Variants in SEC24D observed in about 807,000 individuals in gnomAD.
The protein encoded by SEC24D is protein transport protein Sec24D.
In SEC24D, 69 loss-of-function variants were observed where a neutral mutation model predicts 116.9. The ratio of observed to expected loss-of-function variants is 0.59; its 90% CI spans 0.49 to 0.72. The LOEUF (loss-of-function observed/expected upper bound fraction) is 0.72, where lower values mean the gene tolerates loss of function less well. Among genes scored for constraint, SEC24D ranks in the 30% least tolerant of loss-of-function variants. The pLI is 0.00. For missense variants in SEC24D, 1,131 were observed against 1,264.1 expected (o/e 0.89, Z 1.60); for synonymous variants, 405 against 442.8 (o/e 0.91, Z 1.07).
intron 7 of SEC24D, among the ~76,000 whole-genome samples, chr4:118,805,618 A>T (rs1246059875): frequency 6.6e-6 from 1 of 152,204 alleles, no homozygotes; most frequent in Admixed American, 6.5e-5. Context: ...TTAAGCAGAT[A>T]TATTGCTCTG....
rs1480337594 is a variant in SEC24D, at chr4:118,752,656, C to T, written c.1613+41G>A. 2.1e-6 allele frequency: 3 copies of T among 1,434,672 alleles called. No individual in the cohort carries two copies. The East Asian group carries it at 7.3e-5, about 35-fold the overall frequency. The allele number at this position is 1,434,672 out of a possible 1,614,324, so 88.9% of individuals were successfully genotyped here. ...AAACACAGTGCAATTAAAGACAAAA[C>T]ACCTGATTTACTTTTAAATTATAAA... On this transcript the variant is annotated intron_variant, in intron 12 of 22. Transcript: ENST00000280551.
chr4:118,814,909 A>C, intron 6 of SEC24D, 119 bp downstream of exon 6: 1 of 1,118,690 alleles, frequency 8.9e-7, no homozygotes, highest in Non-Finnish European at 1.3e-6. Flanking sequence ...CCTCTATGTG[A>C]TGAGTATCTC....
At chr4:118,775,345 CAAAAAA>C (rs55740002) in intron 8 of SEC24D, among the ~76,000 whole-genome samples, 5 of 114,530 alleles carry the variant, frequency 4.4e-5, no homozygotes, top group Non-Finnish European at 3.3e-5. Flanking sequence ...AGCAAAAGGT[CAAAAAA>C]AAAAAAAAAA....
In SEC24D at chr4:118,803,863, G is replaced by T. The variant is rs146162025; in HGVS notation, c.913+1980C>A. ...TAAATTATTCCATATAAAGTGGTTAGAAAATTGTCTTGATACATACTAAGT... is the reference window on the plus strand; with the variant it reads ...TAAATTATTCCATATAAAGTGGTTATAAAATTGTCTTGATACATACTAAGT... On this transcript the variant is annotated intron_variant, in intron 7 of 22. Coordinates refer to ENST00000280551, the MANE Select transcript of SEC24D (RefSeq NM_014822.4). Among the ~76,000 whole-genome samples the T allele has an allele frequency of 2.3e-3, 343 of 152,226 alleles. 3 individuals carry two copies. The highest frequency in any genetic ancestry group is 8.0e-3 in the African/African-American group (332 of 41,536).
chr4:118,741,063 TC>T, intron 15 of SEC24D, 26 bp from the exon 16 acceptor site: 1 of 1,217,232 alleles, frequency 8.2e-7, no homozygotes, highest in Non-Finnish European at 1.2e-6. Flanking sequence ...CTAATCAATG[TC>T]CACCAGATGG....
intron 11 of SEC24D, chr4:118,753,922 C>A (rs1726957514): frequency 6.6e-6 from 1 of 152,098 alleles, no homozygotes; most frequent in African/African-American, 2.4e-5. Context: ...TGCCCAGCTT[C>A]TAAATTTTGC....
chr4:118,744,962 A>G lies in SEC24D; in HGVS notation c.1806T>C (p.Val602=), dbSNP rs1560626619. The change falls in exon 14 of 23, where the codon GTT becomes GTC. Residue 602 remains valine, a synonymous_variant. Coordinates refer to ENST00000280551, the MANE Select transcript of SEC24D (RefSeq NM_014822.4). ...AAAGTACCTTCTCTTTGTCTGTATT[A>G]ACCAGTTTTTTGTCATCTCTGTTTT... ...KLKNRDDKKL[V]NTDKEKILFQ... is the part of the protein sequence containing the mutation. The G allele has an allele frequency of 6.2e-7, 1 of 1,602,416 alleles. No individual in the cohort carries two copies. The highest frequency in any genetic ancestry group is 1.1e-5 in the South Asian group (1 of 90,664).
At chr4:118,789,124 G>A (rs1303633456) in intron 8 of SEC24D, among the ~76,000 whole-genome samples, 1 of 152,190 alleles carries the variant, frequency 6.6e-6, no homozygotes, top group Non-Finnish European at 1.5e-5. Context: ...ATTGAAATTT[G>A]GAATCTTGAG....
At chr4:118,833,760 A>G in intron 1 of SEC24D, 23 bp from the exon 2 acceptor site, 1 of 1,127,152 alleles carries the variant, frequency 8.9e-7, no homozygotes, top group East Asian at 2.4e-5. Flanking sequence ...AACAAGAAAC[A>G]TGTTACCAAG....
chr4:118,827,436 A>AC (rs1560766357), intron 2 of SEC24D, among the ~76,000 whole-genome samples: 2 of 151,998 alleles, frequency 1.3e-5, no homozygotes, highest in East Asian at 3.9e-4. Context: ...TTCTTAAGAC[A>AC]CCCCCCACCA....
chr4:118,833,320 A>C, intron 2 of SEC24D: 1 of 324,764 alleles, frequency 3.1e-6, no homozygotes, highest in Non-Finnish European at 5.6e-6. Context: ...TAACAGCAAG[A>C]ACAAGACTCA....
chr4:118,778,738 G>A (rs1347331629), intron 8 of SEC24D, among the ~76,000 whole-genome samples: 1 of 152,184 alleles, frequency 6.6e-6, no homozygotes, highest in Non-Finnish European at 1.5e-5. Flanking sequence ...CCATGAGCAT[G>A]GAATGTTCTT....
intron 6 of SEC24D, among the ~76,000 whole-genome samples, chr4:118,812,956 T>C (rs1406266507): frequency 6.6e-6 from 1 of 151,948 alleles, no homozygotes; most frequent in African/African-American, 2.4e-5. Context: ...ATCTGTATCC[T>C]CCCCTAGAGA....
intron 8 of SEC24D, among the ~76,000 whole-genome samples, chr4:118,785,814 G>A (rs1422476020): frequency 1.3e-5 from 2 of 152,100 alleles, no homozygotes; most frequent in Non-Finnish European, 2.9e-5. Flanking sequence ...TAGAACCACT[G>A]AAGGGGTTTG....
At chr4:118,728,305 T>C (rs2110426552) in intron 22 of SEC24D, among the ~76,000 whole-genome samples, 1 of 152,350 alleles carries the variant, frequency 6.6e-6, no homozygotes, top group South Asian at 2.1e-4. Flanking sequence ...CCAATTGCTA[T>C]TAAATCATGA....
intron 8 of SEC24D, among the ~76,000 whole-genome samples, chr4:118,792,296 T>C (rs10026714): frequency 0.69 from 101,928 of 147,516 alleles, 36,288 homozygotes; most frequent in Middle Eastern, 0.79. Flanking sequence ...CCCGGCCAGC[T>C]GCCCCGTCCG....
chr4:118,724,209 T>C (rs1173156798), intron 22 of SEC24D, among the ~76,000 whole-genome samples: 3 of 151,934 alleles, frequency 2.0e-5, no homozygotes, highest in Non-Finnish European at 1.5e-5. Flanking sequence ...TGGGAGATGA[T>C]CAGGTTCTGA....
chr4:118,802,199 G>A (rs555024511), intron 7 of SEC24D, among the ~76,000 whole-genome samples: 2 of 152,290 alleles, frequency 1.3e-5, no homozygotes, highest in South Asian at 2.1e-4. Context: ...TGCTTGAACA[G>A]GGTCTTAAAG....
At chr4:118,804,312 A>G (rs1729572764) in intron 7 of SEC24D, among the ~76,000 whole-genome samples, 1 of 152,180 alleles carries the variant, frequency 6.6e-6, no homozygotes, top group African/African-American at 2.4e-5. Flanking sequence ...AGGATACAAC[A>G]AAAAACCATC....
Sources: allele counts gnomAD v4.1 joint callset (sites outside exome capture counted in the v4.1 genomes callset), GRCh38; gene constraint gnomAD v4.1.1; transcripts MANE v1.5; gene names NCBI Gene and HGNC (gene_info 2026-07-23, HGNC 2026-07-21).